The following IL1RAPL1 variants were observed in gnomAD, a reference collection of about 807,000 sequenced individuals.
IL1RAPL1 encodes interleukin-1 receptor accessory protein-like 1.
IL1RAPL1 carries 3 observed loss-of-function variants against 48.4 expected under a neutral mutation model. That is an observed-to-expected ratio of 0.06 (90% CI 0.03 to 0.16). The LOEUF (loss-of-function observed/expected upper bound fraction) is 0.16, where lower values mean the gene tolerates loss of function less well. Ranked by LOEUF, IL1RAPL1 falls within the 10% of genes least tolerant of loss-of-function variation. The probability of loss-of-function intolerance (pLI) is 1.00; values close to 1 mark genes in which losing one functional copy is unlikely to be tolerated. For missense variants in IL1RAPL1, 349 were observed against 530.6 expected, an observed-to-expected ratio of 0.66 and a Z score of 3.36; for synonymous variants, 185 against 187.7, an observed-to-expected ratio of 0.99 and a Z score of 0.12.
At chrX:29,150,149 A>G (rs945466557) in intron 2 of IL1RAPL1, among the ~76,000 whole-genome samples, 4 of 112,605 alleles carry the variant, frequency 3.6e-5, no homozygotes, top group Middle Eastern at 4.6e-3. Flanking sequence ...GTATACCTCA[A>G]TAAATATCGT....
intron 8 of IL1RAPL1, among the ~76,000 whole-genome samples, chrX:29,931,557 A>G (rs1382701228): frequency 8.9e-6 from 1 of 112,528 alleles, no homozygotes; most frequent in African/African-American, 3.2e-5. Flanking sequence ...TCCCATTTGT[A>G]TATTGCAATA....
At chrX:29,571,303 G>T (rs1352079462) in intron 5 of IL1RAPL1, among the ~76,000 whole-genome samples, 1 of 111,409 alleles carries the variant, frequency 9.0e-6, no homozygotes, top group Non-Finnish European at 1.9e-5. Context: ...CTGATTTGAA[G>T]CCTGTAACCA....
chrX:29,114,993 G>A (rs1038899718), intron 2 of IL1RAPL1, among the ~76,000 whole-genome samples: 2 of 111,158 alleles, frequency 1.8e-5, no homozygotes, highest in East Asian at 2.8e-4. Flanking sequence ...TAAATATTAC[G>A]AATTTTTAAA....
intron 2 of IL1RAPL1, among the ~76,000 whole-genome samples, chrX:29,232,964 A>T (rs1172836576): frequency 9.2e-6 from 1 of 109,181 alleles, no homozygotes; most frequent in Non-Finnish European, 1.9e-5. Context: ...GCACCCAGCT[A>T]ATTTTTATAT....
chrX:29,851,495 A>G (rs1043881454), intron 6 of IL1RAPL1, among the ~76,000 whole-genome samples: 1 of 112,286 alleles, frequency 8.9e-6, no homozygotes, highest in Non-Finnish European at 1.9e-5. Context: ...GAGAATTTCT[A>G]TAGGGGATTT....
intron 2 of IL1RAPL1, among the ~76,000 whole-genome samples, chrX:28,905,669 T>C (rs1244281614): frequency 3.6e-5 from 4 of 112,323 alleles, no homozygotes; most frequent in Non-Finnish European, 7.5e-5. Flanking sequence ...AGAGTATTTA[T>C]ACTAATTCTT....
At chrX:29,114,801 T>A (rs1257030792) in intron 2 of IL1RAPL1, among the ~76,000 whole-genome samples, 1 of 110,601 alleles carries the variant, frequency 9.0e-6, no homozygotes, top group Non-Finnish European at 1.9e-5. Context: ...GGCTAATTTT[T>A]GTATTTTTAG....
chrX:28,725,598 A>G (rs1935663492), intron 1 of IL1RAPL1, among the ~76,000 whole-genome samples: 2 of 112,027 alleles, frequency 1.8e-5, no homozygotes, highest in African/African-American at 6.5e-5. Flanking sequence ...TCTTCATACA[A>G]TTTTAAAACG....
At chrX:29,612,364 A>G (rs1172524698) in intron 5 of IL1RAPL1, among the ~76,000 whole-genome samples, 1 of 110,390 alleles carries the variant, frequency 9.1e-6, no homozygotes, top group Non-Finnish European at 1.9e-5. Context: ...CAGAGGATCT[A>G]CATGTTTCTG....
At chrX:29,279,958 G>A (rs772108117) in intron 2 of IL1RAPL1, among the ~76,000 whole-genome samples, 248 of 111,147 alleles carry the variant, frequency 2.2e-3, no homozygotes, top group African/African-American at 7.7e-3. Flanking sequence ...TCTGAGACTC[G>A]AATAATTTTA....
intron 2 of IL1RAPL1, among the ~76,000 whole-genome samples, chrX:28,831,969 T>G (rs1185813398): frequency 1.8e-5 from 2 of 111,588 alleles, no homozygotes; most frequent in East Asian, 5.6e-4. Flanking sequence ...TTTTTTATTA[T>G]TATTTTATAT....
chrX:28,630,623 T>C (rs1214977767), intron 1 of IL1RAPL1, among the ~76,000 whole-genome samples: 1 of 112,175 alleles, frequency 8.9e-6, no homozygotes, highest in Non-Finnish European at 1.9e-5. Flanking sequence ...AATTCAGGTT[T>C]TCTATTCGTC....
intron 5 of IL1RAPL1, among the ~76,000 whole-genome samples, chrX:29,550,218 T>G (rs925035301): frequency 2.7e-5 from 3 of 111,308 alleles, no homozygotes; most frequent in East Asian, 2.8e-4. Context: ...TTGAGATGGA[T>G]TCTCACTCTG....
intron 6 of IL1RAPL1, among the ~76,000 whole-genome samples, chrX:29,840,727 G>A (rs1482479604): frequency 2.7e-5 from 3 of 111,680 alleles, no homozygotes; most frequent in Non-Finnish European, 5.6e-5. Context: ...CTCAGAGATA[G>A]ATAGAATTAT....
intron 2 of IL1RAPL1, among the ~76,000 whole-genome samples, chrX:28,793,093 A>G (rs1480969182): frequency 9.3e-6 from 1 of 107,303 alleles, no homozygotes; most frequent in East Asian, 2.9e-4. Flanking sequence ...GGACAATTTC[A>G]TACCTATTTT....
At chrX:29,756,195 T>A (rs1928608397) in intron 6 of IL1RAPL1, among the ~76,000 whole-genome samples, 1 of 111,604 alleles carries the variant, frequency 9.0e-6, no homozygotes, top group African/African-American at 3.3e-5. Context: ...ATATGAAACT[T>A]GGAGAGATGT....
At chrX:29,279,297 A>G (rs1299742883) in intron 2 of IL1RAPL1, among the ~76,000 whole-genome samples, 1 of 111,126 alleles carries the variant, frequency 9.0e-6, no homozygotes, top group Non-Finnish European at 1.9e-5. Context: ...TTAGCTGGGC[A>G]TGGTGGCGTG....
rs192083859 is a variant in IL1RAPL1, at chrX:28,601,583, C to T, written c.-25+13536C>T. Among the ~76,000 whole-genome samples the T allele has an allele frequency of 2.8e-3, 309 of 111,530 alleles. 1 individual carries two copies. The highest frequency in any genetic ancestry group is 7.0e-3 in the African/African-American group (215 of 30,662). ...AGATGGTCAACTCAATTCAGTTCAA[C>T]AAATACTTCCAGATGATCCACCTAC... On this transcript the variant is annotated intron_variant, in intron 1 of 10. Coordinates refer to ENST00000378993, the MANE Select transcript of IL1RAPL1 (RefSeq NM_014271.4).
intron 3 of IL1RAPL1, among the ~76,000 whole-genome samples, chrX:29,340,117 T>C (rs1933053190): frequency 8.9e-6 from 1 of 112,324 alleles, no homozygotes; most frequent in Admixed American, 9.5e-5. Flanking sequence ...TGTTTCCTTC[T>C]GCCTTACTGA....
Sources: gnomAD v4.1 joint callset for allele counts (sites outside exome capture counted in the v4.1 genomes callset) on GRCh38, gnomAD v4.1.1 for gene constraint, MANE v1.5 for transcripts, NCBI Gene and HGNC (gene_info 2026-07-23, HGNC 2026-07-21) for gene names.